Variants in CRIM1 observed in about 807,000 individuals in gnomAD.
CRIM1 encodes the protein cysteine rich transmembrane BMP regulator 1.
In CRIM1, 32 loss-of-function variants were observed where a neutral mutation model predicts 116.4. The observed-to-expected ratio is 0.27, with a 90% CI of 0.21 to 0.37. The LOEUF is 0.37. Among genes scored for constraint, CRIM1 ranks in the 10% least tolerant of loss-of-function variants. The probability of loss-of-function intolerance (pLI) is 1.00; values close to 1 mark genes in which losing one functional copy is unlikely to be tolerated. For missense variants in CRIM1, 1,331 were observed against 1,354.8 expected (o/e 0.98, Z 0.28); for synonymous variants, 590 against 509.2 (o/e 1.16, Z -2.13).
At chr2:36,369,944 G>T (rs938028358) in intron 1 of CRIM1, among the ~76,000 whole-genome samples, 7 of 152,192 alleles carry the variant, frequency 4.6e-5, no homozygotes, top group Non-Finnish European at 7.3e-5. Context: ...AGAATACCGT[G>T]CATTGTATTA....
chr2:36,547,099 A>C lies in CRIM1; in HGVS notation c.2862A>C (p.Ile954=), dbSNP rs769217625. 1.2e-6 allele frequency: 2 copies of C among 1,612,942 alleles called. No individual in the cohort carries two copies. The highest frequency in any genetic ancestry group is 3.3e-5 in the Admixed American group (2 of 59,970). Residue 954 remains isoleucine (I), a synonymous_variant, in exon 16 of 17, where the codon ATA becomes ATC. Transcript: ENST00000280527. ...VVPIIICLSI[I]IAFLFINQKK... is the part of the protein sequence containing the mutation. Reference sequence around the variant, plus strand: ...CCATAATTATATGCCTCTCTATTATAATAGCATTCCTATTCATCAATCAGA... The same window carrying C: ...CCATAATTATATGCCTCTCTATTATCATAGCATTCCTATTCATCAATCAGA...
intron 4 of CRIM1, among the ~76,000 whole-genome samples, chr2:36,449,552 T>A (rs966189347): frequency 2.6e-5 from 4 of 152,216 alleles, no homozygotes; most frequent in Admixed American, 2.0e-4. Context: ...CCAGGCCCAC[T>A]TCGGCATGAG....
intron 13 of CRIM1, among the ~76,000 whole-genome samples, chr2:36,524,039 A>G (rs986170225): frequency 2.6e-5 from 4 of 152,214 alleles, no homozygotes; most frequent in Non-Finnish European, 5.9e-5. Flanking sequence ...TAAAAGCTAG[A>G]TTCTCTCTTT....
At chr2:36,390,269 T>A (rs763835005) in intron 1 of CRIM1, among the ~76,000 whole-genome samples, 14 of 152,124 alleles carry the variant, frequency 9.2e-5, no homozygotes, top group Admixed American at 3.3e-4. Context: ...ACACTAAAAA[T>A]AAGAGAGCTG....
At chr2:36,456,571 G>A (rs1677148807) in intron 4 of CRIM1, among the ~76,000 whole-genome samples, 1 of 152,168 alleles carries the variant, frequency 6.6e-6, no homozygotes. Flanking sequence ...AGCCGTGAAA[G>A]CAGATGCCAT....
chr2:36,513,324 A>G, intron 10 of CRIM1: 1 of 520,576 alleles, frequency 1.9e-6, no homozygotes, highest in South Asian at 2.6e-5. Flanking sequence ...AAAATCAGCG[A>G]TCATCCCACG....
chr2:36,415,020 A>G (rs1368077169), intron 2 of CRIM1, among the ~76,000 whole-genome samples: 1 of 152,184 alleles, frequency 6.6e-6, no homozygotes, highest in East Asian at 1.9e-4. Context: ...TATTTAGGCC[A>G]CTGAAGAAGA....
At chr2:36,396,204 C>G (rs184823946) in intron 1 of CRIM1, among the ~76,000 whole-genome samples, 2 of 152,010 alleles carry the variant, frequency 1.3e-5, no homozygotes, top group Non-Finnish European at 2.9e-5. Flanking sequence ...GCCACTGTGC[C>G]TGGCCAAAAA....
chr2:36,485,812 A>G (rs1679776684), intron 7 of CRIM1, among the ~76,000 whole-genome samples: 1 of 152,214 alleles, frequency 6.6e-6, no homozygotes, highest in Non-Finnish European at 1.5e-5. Context: ...CGATGCTATT[A>G]TTAGTAAGCC....
intron 14 of CRIM1, among the ~76,000 whole-genome samples, chr2:36,539,441 C>T (rs1035739635): frequency 6.6e-6 from 1 of 152,094 alleles, no homozygotes; most frequent in Non-Finnish European, 1.5e-5. Flanking sequence ...CAAAGGGTCT[C>T]GCAGATGAGT....
At chr2:36,391,477 A>C (rs1296466502) in intron 1 of CRIM1, among the ~76,000 whole-genome samples, 1 of 152,226 alleles carries the variant, frequency 6.6e-6, no homozygotes, top group East Asian at 1.9e-4. Flanking sequence ...ATCACATGAG[A>C]ACCAGCAGAA....
intron 1 of CRIM1, among the ~76,000 whole-genome samples, chr2:36,394,974 T>C (rs1198414319): frequency 6.6e-6 from 1 of 151,624 alleles, no homozygotes; most frequent in Non-Finnish European, 1.5e-5. Flanking sequence ...AATAAAAGCT[T>C]ACCCTATAAA....
chr2:36,393,780 G>C (rs1317754776), intron 1 of CRIM1, among the ~76,000 whole-genome samples: 1 of 152,218 alleles, frequency 6.6e-6, no homozygotes, highest in Non-Finnish European at 1.5e-5. Flanking sequence ...AAGCATGGGA[G>C]CAGTTCCTGC....
intron 14 of CRIM1, among the ~76,000 whole-genome samples, chr2:36,539,120 G>A (rs989823173): frequency 6.6e-6 from 1 of 152,210 alleles, no homozygotes; most frequent in Non-Finnish European, 1.5e-5. Context: ...CGGCTCTGGA[G>A]AAAGGCATAG....
intron 5 of CRIM1, among the ~76,000 whole-genome samples, chr2:36,468,399 G>T (rs1678215404): frequency 6.6e-6 from 1 of 152,126 alleles, no homozygotes; most frequent in Non-Finnish European, 1.5e-5. Context: ...ATTTTATTTT[G>T]TTGTGGCGGA....
At chr2:36,409,135 C>T (rs1038941412) in intron 2 of CRIM1, among the ~76,000 whole-genome samples, 1 of 152,066 alleles carries the variant, frequency 6.6e-6, no homozygotes, top group Non-Finnish European at 1.5e-5. Context: ...TAAGCAAAGC[C>T]CTACTTTCCT....
At chr2:36,465,584 T>A (rs1051674706) in intron 5 of CRIM1, among the ~76,000 whole-genome samples, 1 of 152,216 alleles carries the variant, frequency 6.6e-6, no homozygotes, top group Non-Finnish European at 1.5e-5. Context: ...AGTTGAGTCC[T>A]ATTTGGTTGC....
At chr2:36,358,125 A>T (rs1261734551) in intron 1 of CRIM1, among the ~76,000 whole-genome samples, 1 of 87,644 alleles carries the variant, frequency 1.1e-5, no homozygotes, top group South Asian at 4.1e-4. Flanking sequence ...CACGTAAGAC[A>T]TTGGGTTAGA....
rs114552500 is a variant in CRIM1 at position 36,459,561 on chromosome 2, C to T, written c.870-4973C>T. Among the ~76,000 whole-genome samples, 637 of 152,120 alleles carry T rather than the reference C, an allele frequency of 4.2e-3. 3 individuals are homozygous for T. The highest frequency in any genetic ancestry group is 6.8e-3 in the Non-Finnish European group (460 of 67,986). Reference sequence around the variant, plus strand: ...CTGATTTTGATTTAGTATGATGGGCCGATGCACTTCAAGAGTTACTACCGT... The same window carrying T: ...CTGATTTTGATTTAGTATGATGGGCTGATGCACTTCAAGAGTTACTACCGT... On this transcript the variant is annotated intron_variant, in intron 4 of 16. Transcript: ENST00000280527.
Sources: gnomAD v4.1 joint callset for allele counts (sites outside exome capture counted in the v4.1 genomes callset) on GRCh38, gnomAD v4.1.1 for gene constraint, MANE v1.5 for transcripts, NCBI Gene and HGNC (gene_info 2026-07-23, HGNC 2026-07-21) for gene names.